NUDT5: variants seen among roughly 807,000 people sequenced by gnomAD.
The protein encoded by NUDT5 is nudix hydrolase 5, also known as ADP-sugar pyrophosphatase.
A neutral mutation model predicts 34.1 loss-of-function variants in NUDT5; 21 were observed. The observed-to-expected ratio is 0.62, with a 90% CI of 0.44 to 0.89. The LOEUF is 0.89. NUDT5 is among the 40% of genes least tolerant of loss of function. The pLI is 0.00. For missense variants in NUDT5, 249 were observed against 274.8 expected (o/e 0.91, Z 0.66); for synonymous variants, 85 against 97.6 (o/e 0.87, Z 0.76).
chr10:12,191,824 GT>G lies in NUDT5; in HGVS notation c.-42+3945del, dbSNP rs1467865814. Among the ~76,000 whole-genome samples, 7 of 152,320 alleles carry G rather than the reference GT, an allele frequency of 4.6e-5. No homozygotes were observed. In the South Asian group the frequency reaches 8.3e-4, roughly 18 times the overall value. On this transcript the variant is annotated intron_variant, in intron 1 of 9. Transcript: ENST00000491614. ...AGTGATTAATTTTTCACCAACTTCA[GT>G]ATGCCAGTATTAGTAACAACAGCTG... is the stretch of plus-strand genomic sequence containing the variant.
At chr10:12,167,954 A>C (rs1232439453) in intron 9 of NUDT5, 143 bp from the exon 10 acceptor site, 1 of 1,397,268 alleles carries the variant, frequency 7.2e-7, no homozygotes, top group Non-Finnish European at 9.3e-7. Flanking sequence ...TTGGTCTATA[A>C]GGATCTTAAA....
At chr10:12,183,784 C>T (rs1489559901) in intron 3 of NUDT5, among the ~76,000 whole-genome samples, 7 of 152,118 alleles carry the variant, frequency 4.6e-5, no homozygotes, top group Admixed American at 2.0e-4. Flanking sequence ...TTTTCTTACA[C>T]GTTATTTGGC....
Position 12,170,304 on chromosome 10 carries a change from T to A in NUDT5, c.550+413A>T. 9.4e-7 allele frequency: 1 copy of A among 1,068,690 alleles called. No homozygotes were observed. The highest frequency in any genetic ancestry group is 1.4e-6 in the Non-Finnish European group (1 of 711,426). 66.2% of individuals were successfully genotyped at this position (1,068,690 alleles called of 1,614,324 possible). ...TCAAGTATTTGTTGAAGGAGCATCA[T>A]CAATTTCTCCTTGAACATACAGCCT... On this transcript the variant is annotated intron_variant, in intron 9 of 9. Coordinates refer to ENST00000491614, the MANE Select transcript of NUDT5 (RefSeq NM_014142.4). This position sits in a 1 kb window ranked among gnomAD's most constrained non-coding sequence, Gnocchi z 4.9.
Position 12,184,527 on chromosome 10 carries a change from T to C in NUDT5, c.131+362A>G, listed in dbSNP as rs550174872. ...TAGCAATGTTGTTGTTTTCTCTTTA[T>C]TTCTTCTAATTTAGAAATTAAAAAC... is the stretch of plus-strand genomic sequence containing the variant. On this transcript the variant is annotated intron_variant, in intron 3 of 9. Coordinates refer to ENST00000491614, the MANE Select transcript of NUDT5 (RefSeq NM_014142.4). The C allele has an allele frequency of 4.5e-6, 7 of 1,542,496 alleles. No individual in the cohort carries two copies. The Admixed American group carries it at 7.9e-5, about 17-fold the overall frequency.
intron 1 of NUDT5, among the ~76,000 whole-genome samples, chr10:12,188,352 G>A (rs766353713): frequency 2.6e-5 from 4 of 152,160 alleles, no homozygotes; most frequent in Non-Finnish European, 5.9e-5. Flanking sequence ...CATAAAGTGC[G>A]TTTACAAATC....
At position 12,181,024 on chromosome 10, in the gene NUDT5, C is replaced by T. The variant is rs1386820084; in HGVS notation, c.132-1892G>A. Among the ~76,000 whole-genome samples the T allele has an allele frequency of 6.6e-6, 1 of 152,226 alleles. No individual in the cohort carries two copies. The highest frequency in any genetic ancestry group is 1.5e-5 in the Non-Finnish European group (1 of 68,046). On this transcript the variant is annotated intron_variant, in intron 3 of 9. Coordinates refer to ENST00000491614, the MANE Select transcript of NUDT5 (RefSeq NM_014142.4). The surrounding 1 kb of genome is among the most constrained non-coding windows in gnomAD (Gnocchi z 5.0). ...ATGAGACGGTGGAACATAGGATTCT[C>T]TAGCTGCTATTTTATCTCTTAGACT...
At chr10:12,188,011 C>T (rs1162538633) in intron 1 of NUDT5, among the ~76,000 whole-genome samples, 1 of 152,062 alleles carries the variant, frequency 6.6e-6, no homozygotes, top group Non-Finnish European at 1.5e-5. Flanking sequence ...TGGTGGTGGG[C>T]ACCTGTAGTC....
intron 5 of NUDT5, among the ~76,000 whole-genome samples, chr10:12,177,344 CCT>C (rs1482595231): frequency 6.6e-6 from 1 of 151,976 alleles, no homozygotes; most frequent in African/African-American, 2.4e-5. Flanking sequence ...ACGGTGAAAC[CCT>C]GTCTCTACTA....
intron 3 of NUDT5, 43 bp downstream of exon 3, chr10:12,184,846 A>G: frequency 9.0e-7 from 1 of 1,112,544 alleles, no homozygotes; most frequent in Non-Finnish European, 1.3e-6. Flanking sequence ...ATAACCTGAG[A>G]ACCCAAATAA....
In NUDT5 at chr10:12,169,526, C is replaced by T. The variant is rs1185928197; in HGVS notation, c.550+1191G>A. ...CCTGTGACTCCGAGCTGCGCTGCCT[C>T]GTATTGATTGTCATGCCTTTCTCCA... On this transcript the variant is annotated intron_variant, in intron 9 of 9. Transcript: ENST00000491614. This position sits in a 1 kb window ranked among gnomAD's most constrained non-coding sequence, Gnocchi z 4.8. 2 of 497,382 alleles carry T rather than the reference C, an allele frequency of 4.0e-6. No individual in the cohort carries two copies. Among genetic ancestry groups the T allele is most frequent in the Non-Finnish European group, 3.6e-6 (1 of 281,336 alleles). The allele number at this position is 497,382 out of a possible 1,614,324, so 30.8% of individuals were successfully genotyped here. A position where few individuals can be genotyped will look rare whatever the true frequency, so the allele number is the denominator to read the frequency against.
chr10:12,165,593 T>A lies in NUDT5; in HGVS notation c.*2109A>T, dbSNP rs57287753. On this transcript the variant is annotated 3_prime_UTR_variant, in exon 10 of 10. Transcript: ENST00000491614. ...CATTTGGGAGGAAACAGGAAAACAG[T>A]GGTCTCAAAACAACAATATCCCAGT... 1.3e-5 allele frequency: 2 copies of A among 155,086 alleles called. No individual in the cohort carries two copies. The highest frequency in any genetic ancestry group is 4.8e-5 in the African/African-American group (2 of 41,494). 9.6% of individuals were successfully genotyped at this position (155,086 alleles called of 1,614,324 possible).
In NUDT5 at chr10:12,169,687, G is replaced by A. The variant is rs374050758; in HGVS notation, c.550+1030C>T. On this transcript the variant is annotated intron_variant, in intron 9 of 9. Coordinates refer to ENST00000491614, the MANE Select transcript of NUDT5 (RefSeq NM_014142.4). The surrounding 1 kb of genome is among the most constrained non-coding windows in gnomAD (Gnocchi z 4.8). Reference sequence around the variant, plus strand: ...GGAGTGGAAGCTCTCTAAGGGATACGAAATCTGATTTTATCCAAAGAAATC... The same window carrying A: ...GGAGTGGAAGCTCTCTAAGGGATACAAAATCTGATTTTATCCAAAGAAATC... 7 of 227,728 alleles carry A rather than the reference G, an allele frequency of 3.1e-5. No homozygotes were observed. The East Asian group carries it at 3.9e-4, about 13-fold the overall frequency. 14.1% of individuals were successfully genotyped at this position (227,728 alleles called of 1,614,324 possible). A position where few individuals can be genotyped will look rare whatever the true frequency, so the allele number is the denominator to read the frequency against.
chr10:12,187,306 G>A lies in NUDT5; in HGVS notation c.-41-974C>T, dbSNP rs1835146194. Among the ~76,000 whole-genome samples, 1 of 152,074 alleles carries A rather than the reference G, an allele frequency of 6.6e-6. No individual in the cohort carries two copies. Among genetic ancestry groups the A allele is most frequent in the East Asian group, 1.9e-4 (1 of 5,192 alleles). On this transcript the variant is annotated intron_variant, in intron 1 of 9. Coordinates refer to ENST00000491614, the MANE Select transcript of NUDT5 (RefSeq NM_014142.4). This position sits in a 1 kb window ranked among gnomAD's most constrained non-coding sequence, Gnocchi z 5.4. ...CCCGCCTCGGTGTCCCAAAGTGCTG[G>A]GATTACAGGCATGAGCCACTGGACC...
At chr10:12,192,944 G>GTT (rs58890547) in intron 1 of NUDT5, among the ~76,000 whole-genome samples, 40 of 151,360 alleles carry the variant, frequency 2.6e-4, no homozygotes, top group Middle Eastern at 3.4e-3. Context: ...TCACTTATGG[G>GTT]TTTTTTTTTC....
rs1835149786 is a variant in NUDT5 at position 12,187,518 on chromosome 10, T to C, written c.-41-1186A>G. Among the ~76,000 whole-genome samples the C allele has an allele frequency of 1.3e-5, 2 of 152,220 alleles. No individual in the cohort carries two copies. Among genetic ancestry groups the C allele is most frequent in the African/African-American group, 4.8e-5 (2 of 41,454 alleles). On this transcript the variant is annotated intron_variant, in intron 1 of 9. Coordinates refer to ENST00000491614, the MANE Select transcript of NUDT5 (RefSeq NM_014142.4). This position sits in a 1 kb window ranked among gnomAD's most constrained non-coding sequence, Gnocchi z 5.4. The stretch of plus-strand genomic sequence containing the variant: ...GCCTGTCCGAAGGTCAAAGTCTTTT[T>C]TTCTTACCCACACACATGGTTGTTA...
intron 1 of NUDT5, among the ~76,000 whole-genome samples, chr10:12,193,953 C>A (rs1835283542): frequency 6.6e-6 from 1 of 151,652 alleles, no homozygotes; most frequent in Non-Finnish European, 1.5e-5. Flanking sequence ...CTCGGCTCAT[C>A]GCAACCTCCG....
chr10:12,185,709 G>A (rs1835115630), intron 2 of NUDT5, among the ~76,000 whole-genome samples: 1 of 152,264 alleles, frequency 6.6e-6, no homozygotes, highest in Non-Finnish European at 1.5e-5. Flanking sequence ...TTCCAGAAAG[G>A]TGTCAAGATC....
In NUDT5 at chr10:12,169,236, A is replaced by AT; in HGVS notation, c.551-1426dup. 5.3e-6 allele frequency: 8 copies of AT among 1,516,538 alleles called. No individual in the cohort carries two copies. Among genetic ancestry groups the AT allele is most frequent in the South Asian group, 1.2e-5 (1 of 82,428 alleles). 93.9% of individuals were successfully genotyped at this position (1,516,538 alleles called of 1,614,324 possible). A position where few individuals can be genotyped will look rare whatever the true frequency, so the allele number is the denominator to read the frequency against. On this transcript the variant is annotated intron_variant, in intron 9 of 9. Transcript: ENST00000491614. This position sits in a 1 kb window ranked among gnomAD's most constrained non-coding sequence, Gnocchi z 4.8. ...CTCTCCACCTCCCCTCACTTATTCT[A>AT]TTTTTTTCTCCCTTTTCTAAGACCA...
intron 3 of NUDT5, 22 bp downstream of exon 3, chr10:12,184,867 G>C: frequency 2.3e-6 from 3 of 1,314,220 alleles, no homozygotes; most frequent in Non-Finnish European, 3.1e-6. Context: ...CGAACATTTT[G>C]TAAGAAAAAA....
Sources: allele counts gnomAD v4.1 joint callset (sites outside exome capture counted in the v4.1 genomes callset), GRCh38; gene constraint gnomAD v4.1.1; non-coding constraint Gnocchi (gnomAD v3.1); transcripts MANE v1.5; gene names NCBI Gene and HGNC (gene_info 2026-07-23, HGNC 2026-07-21).